Variants in SAXO4 observed in about 807,000 individuals in gnomAD.
The protein encoded by SAXO4 is protein phosphatase 1 regulatory subunit 32.
At chr11:61,486,436 C>G in the SAXO4 span, 1 of 1,613,846 alleles carries the variant, frequency 6.2e-7, no homozygotes, top group Admixed American at 1.7e-5. Context: ...TGGGGACCGC[C>G]TGGCGGGGAG....
chr11:61,483,331 T>C, the SAXO4 span, among the ~76,000 whole-genome samples: 1 of 151,944 alleles, frequency 6.6e-6, no homozygotes, highest in Non-Finnish European at 1.5e-5. Flanking sequence ...CACACCCGGC[T>C]AATATTTTGT....
the SAXO4 span, among the ~76,000 whole-genome samples, chr11:61,484,993 G>A: frequency 6.6e-6 from 1 of 152,198 alleles, no homozygotes; most frequent in African/African-American, 2.4e-5. Flanking sequence ...TTCCAAAATA[G>A]CCTCAATGTG....
chr11:61,486,397 C>T, the SAXO4 span: 1 of 1,614,184 alleles, frequency 6.2e-7, no homozygotes, highest in East Asian at 2.2e-5. Context: ...CCAAGACTCA[C>T]CTACATGTAA....
At chr11:61,481,304 A>G in the SAXO4 span, 105,239 of 152,596 alleles carry the variant, frequency 0.69, 37,474 homozygotes, top group East Asian at 0.97. Flanking sequence ...GGGCAAGGCC[A>G]TGGAGATGAG....
At chr11:61,490,684 C>A in the SAXO4 span, 1 of 1,071,646 alleles carries the variant, frequency 9.3e-7, no homozygotes, top group Non-Finnish European at 1.4e-6. Context: ...CAAGTCCTGC[C>A]TGGGGACCCC....
the SAXO4 span, chr11:61,481,895 C>A: frequency 1.3e-6 from 2 of 1,578,970 alleles, no homozygotes; most frequent in Non-Finnish European, 1.7e-6. Flanking sequence ...AAATTCTACG[C>A]CACCAGCTAC....
chr11:61,481,530 T>A, the SAXO4 span, among the ~76,000 whole-genome samples: 1 of 152,162 alleles, frequency 6.6e-6, no homozygotes, highest in South Asian at 2.1e-4. Flanking sequence ...AACCTCACTG[T>A]CCCAGTGGTA....
the SAXO4 span, chr11:61,489,514 CCCCAAGGTACTGGCAGGCCAGG>C: frequency 1.7e-6 from 1 of 578,790 alleles, no homozygotes; most frequent in African/African-American, 1.9e-5. Context: ...GGGGTCCCCA[CCCCAAGGTACTGGCAGGCCAGG>C]GACAGGGGCA....
the SAXO4 span, among the ~76,000 whole-genome samples, chr11:61,485,126 G>A: frequency 3.3e-5 from 5 of 152,118 alleles, no homozygotes; most frequent in Admixed American, 6.5e-5. Context: ...GGGGTGTGAC[G>A]TGGTATTCAT....
At chr11:61,488,446 A>G in the SAXO4 span, among the ~76,000 whole-genome samples, 1 of 151,762 alleles carries the variant, frequency 6.6e-6, no homozygotes. Flanking sequence ...CTGGGACTAC[A>G]GGCGCCTGCC....
the SAXO4 span, chr11:61,484,877 C>T: frequency 4.6e-6 from 7 of 1,511,010 alleles, no homozygotes; most frequent in Middle Eastern, 2.3e-4. Context: ...CCGCCTCTTC[C>T]TCCCACCTCA....
chr11:61,485,210 A>G, the SAXO4 span: 1 of 734,720 alleles, frequency 1.4e-6, no homozygotes, highest in Non-Finnish European at 2.3e-6. Context: ...ACTTGTGTCC[A>G]GGGTGCTGTA....
At chr11:61,489,513 A>C in the SAXO4 span, 1 of 574,752 alleles carries the variant, frequency 1.7e-6, no homozygotes, top group East Asian at 2.9e-5. Context: ...CGGGGTCCCC[A>C]CCCCAAGGTA....
chr11:61,486,408 G>A, the SAXO4 span: 13 of 1,614,058 alleles, frequency 8.1e-6, no homozygotes, highest in Non-Finnish European at 1.0e-5. Context: ...CTACATGTAA[G>A]CTGAGCTAGG....
the SAXO4 span, chr11:61,482,308 CA>C: frequency 6.2e-7 from 1 of 1,613,548 alleles, no homozygotes. Flanking sequence ...ACCCCTCTGG[CA>C]GGTCGGGAGG....
At chr11:61,481,899 C>T in the SAXO4 span, 1 of 1,579,298 alleles carries the variant, frequency 6.3e-7, no homozygotes, top group African/African-American at 1.4e-5. Flanking sequence ...TCTACGCCAC[C>T]AGCTACTGCA....
the SAXO4 span, chr11:61,485,848 C>T: frequency 6.2e-7 from 1 of 1,614,032 alleles, no homozygotes; most frequent in Non-Finnish European, 8.5e-7. Flanking sequence ...GTGGCTTCAC[C>T]AAACAGTCCC....
the SAXO4 span, chr11:61,489,505 G>T: frequency 1.7e-6 from 1 of 576,784 alleles, no homozygotes; most frequent in Non-Finnish European, 3.1e-6. Context: ...GGATGAGACG[G>T]GGTCCCCACC....
the SAXO4 span, chr11:61,486,992 G>A: frequency 1.9e-6 from 3 of 1,614,028 alleles, no homozygotes; most frequent in African/African-American, 2.7e-5. Context: ...GTCACCAGCA[G>A]TTTCAGCCAC....
Sources: allele counts gnomAD v4.1 joint callset (sites outside exome capture counted in the v4.1 genomes callset), GRCh38; gene constraint gnomAD v4.1.1; transcripts MANE v1.5; gene names NCBI Gene and HGNC (gene_info 2026-07-23, HGNC 2026-07-21).